The following UBE2E2 variants were observed in gnomAD, a reference collection of about 807,000 sequenced individuals.
UBE2E2 encodes the protein ubiquitin conjugating enzyme E2 E2.
Under a neutral mutation model 24.7 loss-of-function variants are expected in UBE2E2, and 6 were observed. The ratio of observed to expected loss-of-function variants is 0.24; its 90% CI spans 0.13 to 0.48. The LOEUF (loss-of-function observed/expected upper bound fraction) is 0.48. Ranked by LOEUF, UBE2E2 falls within the 20% of genes least tolerant of loss-of-function variation. The probability of loss-of-function intolerance (pLI) is 0.99; values close to 1 mark genes in which losing one functional copy is unlikely to be tolerated. For missense variants in UBE2E2, 169 were observed against 245.0 expected (o/e 0.69, Z 2.07); for synonymous variants, 104 against 83.6 (o/e 1.24, Z -1.33).
intron 3 of UBE2E2, among the ~76,000 whole-genome samples, chr3:23,303,752 C>A (rs1448042724): frequency 6.6e-6 from 1 of 152,166 alleles, no homozygotes; most frequent in Non-Finnish European, 1.5e-5. Flanking sequence ...CAACAAGTTA[C>A]TACAAGAGGT....
At chr3:23,266,040 G>C (rs557611406) in intron 3 of UBE2E2, among the ~76,000 whole-genome samples, 117 of 152,186 alleles carry the variant, frequency 7.7e-4, no homozygotes, top group African/African-American at 2.7e-3. Context: ...CTATGTGTGT[G>C]TCTGCACGTG....
intron 5 of UBE2E2, among the ~76,000 whole-genome samples, chr3:23,567,069 CA>C (rs1170949725): frequency 6.6e-6 from 1 of 152,180 alleles, no homozygotes; most frequent in Non-Finnish European, 1.5e-5. Flanking sequence ...ATTCTAGGAT[CA>C]GTGAATATTA....
rs184682485 is a variant in UBE2E2, at chr3:23,311,012, G to A, written c.227+93700G>A. Among the ~76,000 whole-genome samples the A allele has an allele frequency of 2.6e-3, 398 of 152,014 alleles. 6 individuals carry two copies. The highest frequency in any genetic ancestry group is 0.016 in the East Asian group (81 of 5,156). ...CCTAGTGCTATCCCTCCCTCCTGCC[G>A]CCACCCCACGATGGGCCCTGGTGTG... On this transcript the variant is annotated intron_variant, in intron 3 of 5. Coordinates refer to ENST00000396703, the MANE Select transcript of UBE2E2 (RefSeq NM_152653.4).
chr3:23,355,122 C>G (rs540529512), intron 3 of UBE2E2, among the ~76,000 whole-genome samples: 1 of 151,426 alleles, frequency 6.6e-6, no homozygotes, highest in East Asian at 1.9e-4. Context: ...AGTAAACTAT[C>G]ACAAGGACAG....
Position 23,583,248 on chromosome 3 carries a change from G to A in UBE2E2, c.509-6486G>A, listed in dbSNP as rs117913304. Among the ~76,000 whole-genome samples, 43 of 152,182 alleles carry A rather than the reference G, an allele frequency of 2.8e-4. 2 individuals are homozygous for A. In the East Asian group the frequency reaches 8.3e-3, roughly 29 times the overall value. ...AAGATCAGATGGTCGTAAATATGTG[G>A]CATTATTTCTGGGCTCTTTATTTTG... On this transcript the variant is annotated intron_variant, in intron 5 of 5. Coordinates refer to ENST00000396703, the MANE Select transcript of UBE2E2 (RefSeq NM_152653.4). The surrounding 1 kb of genome is among the most constrained non-coding windows in gnomAD (Gnocchi z 4.1).
At chr3:23,302,130 T>G (rs1699113647) in intron 3 of UBE2E2, among the ~76,000 whole-genome samples, 1 of 152,162 alleles carries the variant, frequency 6.6e-6, no homozygotes. Context: ...CATGATTACT[T>G]TAGGTTTCTC....
intron 3 of UBE2E2, among the ~76,000 whole-genome samples, chr3:23,364,457 A>G (rs1696204287): frequency 6.6e-6 from 1 of 152,200 alleles, no homozygotes; most frequent in Admixed American, 6.5e-5. Context: ...CACCAACCCA[A>G]CAGAAATACA....
chr3:23,515,886 T>A (rs550101922), intron 4 of UBE2E2, among the ~76,000 whole-genome samples: 107 of 151,954 alleles, frequency 7.0e-4, no homozygotes, highest in Admixed American at 1.8e-3. Context: ...AAGGCAGAGC[T>A]TGAGCCCAGG....
At chr3:23,441,626 C>T (rs1051669653) in intron 3 of UBE2E2, among the ~76,000 whole-genome samples, 9 of 151,654 alleles carry the variant, frequency 5.9e-5, no homozygotes, top group Non-Finnish European at 8.8e-5. Context: ...GTTAGAGGAG[C>T]TCACTGACTT....
intron 3 of UBE2E2, among the ~76,000 whole-genome samples, chr3:23,334,504 C>T (rs1042960384): frequency 6.6e-6 from 1 of 151,976 alleles, no homozygotes; most frequent in African/African-American, 2.4e-5. Context: ...TATATTTCAC[C>T]ATTTTTTAAT....
intron 5 of UBE2E2, among the ~76,000 whole-genome samples, chr3:23,570,050 A>C (rs547110762): frequency 1.1e-4 from 16 of 152,292 alleles, no homozygotes; most frequent in African/African-American, 3.6e-4. Flanking sequence ...CATTATTAGA[A>C]GGTCAACCTG....
chr3:23,363,200 T>C (rs574627250), intron 3 of UBE2E2, among the ~76,000 whole-genome samples: 2 of 152,262 alleles, frequency 1.3e-5, no homozygotes, highest in African/African-American at 4.8e-5. Flanking sequence ...AAAAACACAT[T>C]TAAGAACGTA....
intron 3 of UBE2E2, among the ~76,000 whole-genome samples, chr3:23,273,543 AAGAG>A (rs869111418): frequency 4.0e-5 from 6 of 151,582 alleles, no homozygotes; most frequent in Admixed American, 3.3e-4. Flanking sequence ...AAAAAAAAAA[AAGAG>A]AGAGAAATGA....
chr3:23,395,493 C>G (rs1421421449), intron 3 of UBE2E2, among the ~76,000 whole-genome samples: 2 of 152,126 alleles, frequency 1.3e-5, no homozygotes, highest in South Asian at 2.1e-4. Context: ...ATCCGAGAAG[C>G]ATTCAACAGT....
At chr3:23,480,917 C>T (rs1394740757) in intron 3 of UBE2E2, among the ~76,000 whole-genome samples, 1 of 152,166 alleles carries the variant, frequency 6.6e-6, no homozygotes, top group Non-Finnish European at 1.5e-5. Flanking sequence ...AAACTGCCTT[C>T]TTTGATTTAG....
At chr3:23,327,495 A>G (rs932819181) in intron 3 of UBE2E2, among the ~76,000 whole-genome samples, 3 of 152,284 alleles carry the variant, frequency 2.0e-5, no homozygotes, top group East Asian at 1.9e-4. Flanking sequence ...CATCTACTCT[A>G]TTTTACTAAC....
intron 3 of UBE2E2, among the ~76,000 whole-genome samples, chr3:23,299,541 A>G (rs1416711490): frequency 6.6e-6 from 1 of 151,688 alleles, no homozygotes; most frequent in Non-Finnish European, 1.5e-5. Flanking sequence ...TTCGTTATGT[A>G]CCCAGTAGTC....
intron 5 of UBE2E2, among the ~76,000 whole-genome samples, chr3:23,536,463 C>T (rs1695266642): frequency 6.6e-6 from 1 of 152,132 alleles, no homozygotes; most frequent in Non-Finnish European, 1.5e-5. Context: ...TACTGTTACT[C>T]TCTAAAGTGT....
intron 5 of UBE2E2, among the ~76,000 whole-genome samples, chr3:23,569,068 T>G (rs1048052791): frequency 1.3e-5 from 2 of 152,108 alleles, no homozygotes; most frequent in African/African-American, 4.8e-5. Context: ...AGCCAAAAAG[T>G]GAAAACAGCC....
Sources: allele counts gnomAD v4.1 joint callset (sites outside exome capture counted in the v4.1 genomes callset), GRCh38; gene constraint gnomAD v4.1.1; non-coding constraint Gnocchi (gnomAD v3.1); transcripts MANE v1.5; gene names NCBI Gene and HGNC (gene_info 2026-07-23, HGNC 2026-07-21).